The following DOT1L variants were observed in gnomAD, a reference collection of about 807,000 sequenced individuals.
DOT1L encodes the protein DOT1 like histone lysine methyltransferase.
In DOT1L, 33 loss-of-function variants were observed where a neutral mutation model predicts 153.3. The observed-to-expected ratio is 0.22, with a 90% CI of 0.16 to 0.29. The LOEUF (loss-of-function observed/expected upper bound fraction) is 0.29. Among genes scored for constraint, DOT1L ranks in the 10% least tolerant of loss-of-function variants. DOT1L has a pLI of 1.00. For synonymous variants in DOT1L, 1,135 were observed against 965.1 expected (o/e 1.18, Z -3.26); for missense variants, 1,847 against 2,119.9 (o/e 0.87, Z 2.53).
chr19:2,218,682 G>C (rs1301101969), intron 22 of DOT1L, among the ~76,000 whole-genome samples: 2 of 150,428 alleles, frequency 1.3e-5, no homozygotes, highest in Non-Finnish European at 3.0e-5. Context: ...CGTGAGCCAC[G>C]ACGTCTGGCC....
In DOT1L at chr19:2,231,364, A is replaced by T. The variant is rs948602324; in HGVS notation, c.*1572A>T. On this transcript the variant is annotated 3_prime_UTR_variant, in exon 28 of 28. Coordinates refer to ENST00000398665, the MANE Select transcript of DOT1L (RefSeq NM_032482.3). ...CCCAAGGGCAGGATGGACACACGTC[A>T]CATCCCTACCACGTGGCCTCCAAAG... 4.8e-6 allele frequency: 1 copy of T among 208,332 alleles called. No homozygotes were observed. Among genetic ancestry groups the T allele is most frequent in the Non-Finnish European group, 9.8e-6 (1 of 102,324 alleles). 12.9% of individuals were successfully genotyped at this position (208,332 alleles called of 1,614,324 possible).
chr19:2,168,368 T>C (rs1254877158), intron 1 of DOT1L, among the ~76,000 whole-genome samples: 1 of 152,204 alleles, frequency 6.6e-6, no homozygotes, highest in African/African-American at 2.4e-5. Flanking sequence ...GATACTGTGC[T>C]GAGTACAAGG....
intron 22 of DOT1L, among the ~76,000 whole-genome samples, chr19:2,218,618 C>T (rs571919582): frequency 1.3e-5 from 2 of 152,190 alleles, no homozygotes; most frequent in African/African-American, 4.8e-5. Flanking sequence ...TGGTCTTGAT[C>T]TCCTGACCTA....
rs369397123 is a variant in DOT1L at position 2,206,697 on chromosome 19, C to T, written c.788-32C>T. 90 of 1,611,550 alleles carry T rather than the reference C, an allele frequency of 5.6e-5. 2 individuals carry two copies. The African/African-American group carries it at 7.2e-4, about 13-fold the overall frequency. On this transcript the variant is annotated intron_variant, in intron 9 of 27. Coordinates refer to ENST00000398665, the MANE Select transcript of DOT1L (RefSeq NM_032482.3). ...TGTCTGCTCTTCTGTTTCCTCTCTC[C>T]TGTGTGGCAGTAAGCAGTGTCTGTG... is the stretch of plus-strand genomic sequence containing the variant.
At chr19:2,219,245 C>T (rs1038279140) in intron 22 of DOT1L, among the ~76,000 whole-genome samples, 5 of 151,948 alleles carry the variant, frequency 3.3e-5, no homozygotes, top group Admixed American at 2.6e-4. Flanking sequence ...TGGCCTCAGT[C>T]GACCCACCCG....
At position 2,164,273 on chromosome 19, in the gene DOT1L, C is replaced by G; in HGVS notation, c.81+8C>G. 1.6e-6 allele frequency: 2 copies of G among 1,259,858 alleles called. No homozygotes were observed. Among genetic ancestry groups the G allele is most frequent in the Non-Finnish European group, 2.0e-6 (2 of 1,000,106 alleles). The allele number at this position is 1,259,858 out of a possible 1,614,324, so 78.0% of individuals were successfully genotyped here. ...TGGCCGCTGCCGGTCTACGTGAGTG[C>G]CGCCCTCCACCGTCCCTACCTCCCG... On this transcript the variant is annotated splice_region_variant and intron_variant, in intron 1 of 27. Coordinates refer to ENST00000398665, the MANE Select transcript of DOT1L (RefSeq NM_032482.3).
intron 7 of DOT1L, among the ~76,000 whole-genome samples, chr19:2,196,478 G>T (rs1266776196): frequency 1.3e-5 from 2 of 152,150 alleles, no homozygotes; most frequent in African/African-American, 4.8e-5. Context: ...AATTAAAGGC[G>T]CATGCCACCA....
chr19:2,165,412 G>A (rs562843712), intron 1 of DOT1L, among the ~76,000 whole-genome samples: 4 of 152,222 alleles, frequency 2.6e-5, no homozygotes, highest in African/African-American at 7.2e-5. Flanking sequence ...GAGAGGGAGC[G>A]CAGCTTCCAG....
In DOT1L at chr19:2,210,711, G is replaced by A. The variant is rs2144831731; in HGVS notation, c.1207G>A (p.Gly403Arg). The change falls in exon 14 of 28, where the codon GGG becomes AGG. Residue 403 changes from glycine to arginine, a missense_variant. This residue lies in a region of DOT1L where 205 missense variants were observed against 203.1 expected (regional missense o/e 1.01). Transcript: ENST00000398665. ...CCGCAAGAAGAAGCTAAACAAGAAG[G>A]GGAGGAAGATGGCTGGCCGCAAGCG... is the stretch of plus-strand genomic sequence containing the variant. The part of the protein sequence containing the change: ...KARKKKLNKK[G>R]RKMAGRKRGR... The A allele has an allele frequency of 6.2e-7, 1 of 1,613,190 alleles. No homozygotes were observed. Among genetic ancestry groups the A allele is most frequent in the South Asian group, 1.1e-5 (1 of 91,092 alleles).
At chr19:2,226,126 A>T in intron 26 of DOT1L, 57 bp from the exon 27 acceptor site, 1 of 1,476,308 alleles carries the variant, frequency 6.8e-7, no homozygotes, top group South Asian at 1.4e-5. Flanking sequence ...GGTTAGCCTC[A>T]TGGGTAGCCC....
chr19:2,174,952 A>C (rs2021838459), intron 1 of DOT1L, among the ~76,000 whole-genome samples: 1 of 136,636 alleles, frequency 7.3e-6, no homozygotes, highest in East Asian at 2.2e-4. Flanking sequence ...TTAAGTTTTT[A>C]AATATATGTG....
intron 6 of DOT1L, among the ~76,000 whole-genome samples, chr19:2,194,008 G>A (rs551051245): frequency 1.3e-5 from 2 of 152,204 alleles, no homozygotes; most frequent in Admixed American, 1.3e-4. Context: ...AAGCGCTGCA[G>A]GGGTGTCTCG....
chr19:2,221,523 A>C, intron 23 of DOT1L: 1 of 167,306 alleles, frequency 6.0e-6, no homozygotes. Context: ...TGGGCTGGGA[A>C]GCATGGCTGC....
At chr19:2,209,103 G>C (rs578248529) in intron 12 of DOT1L, 127 bp downstream of exon 12, 2 of 1,047,122 alleles carry the variant, frequency 1.9e-6, no homozygotes, top group Non-Finnish European at 2.7e-6. Context: ...CTCGGGGCCC[G>C]GCCCTGTGCC....
chr19:2,223,006 T>C (rs1411933990), intron 24 of DOT1L: 1 of 478,058 alleles, frequency 2.1e-6, no homozygotes, highest in East Asian at 3.5e-5. Context: ...GGGTTCGGAG[T>C]GCGATGCGCT....
In DOT1L at chr19:2,232,501, C is replaced by T. The variant is rs529914622; in HGVS notation, c.*2709C>T. 3.0e-4 allele frequency: 67 copies of T among 221,282 alleles called. No individual in the cohort carries two copies. In the South Asian group the frequency reaches 0.01, roughly 33 times the overall value. 13.7% of individuals were successfully genotyped at this position (221,282 alleles called of 1,614,324 possible). Reference sequence around the variant, plus strand: ...TCACGGTCCGCCCCTGGGCTGCAGGCGCCCCTTCCTCTGGGCACCCCTGCA... The same window carrying T: ...TCACGGTCCGCCCCTGGGCTGCAGGTGCCCCTTCCTCTGGGCACCCCTGCA... On this transcript the variant is annotated 3_prime_UTR_variant, in exon 28 of 28. Coordinates refer to ENST00000398665, the MANE Select transcript of DOT1L (RefSeq NM_032482.3).
At position 2,210,304 on chromosome 19, in the gene DOT1L, G is replaced by A. The variant is rs1179914110; in HGVS notation, c.1006-96G>A. ...ACTTGCAGTGGACAGAGTTGGGCCCGTGGCCCCCTTGAGTCTGAGCTCCGC... is the reference window on the plus strand; with the variant it reads ...ACTTGCAGTGGACAGAGTTGGGCCCATGGCCCCCTTGAGTCTGAGCTCCGC... On this transcript the variant is annotated intron_variant, in intron 12 of 27. Transcript: ENST00000398665. 27 of 1,107,890 alleles carry A rather than the reference G, an allele frequency of 2.4e-5. No individual in the cohort carries two copies. In the East Asian group the frequency reaches 3.5e-4, roughly 14 times the overall value. 68.6% of individuals were successfully genotyped at this position (1,107,890 alleles called of 1,614,324 possible). A position where few individuals can be genotyped will look rare whatever the true frequency, so the allele number is the denominator to read the frequency against.
rs2023551587 is a variant in DOT1L at position 2,207,576 on chromosome 19, A to G, written c.859A>G (p.Ile287Val). The change falls in exon 11 of 28, where the codon ATC (isoleucine) becomes GTC (valine). Residue 287 changes from isoleucine to valine, a missense_variant and splice_region_variant. Ile to Val is a conservative substitution (Grantham distance 29, BLOSUM62 3). Around this residue, in one of 8 missense-constraint regions of DOT1L, gnomAD observed 148 missense variants for 422.3 expected, o/e 0.35. Transcript: ENST00000398665. This position sits in a 1 kb window ranked among gnomAD's most constrained non-coding sequence, Gnocchi z 4.5. ...GGCCTCACCTGTGGCTCCTGCAGAC[A>G]TCGGCACCATCATGCGCGTGGTGGA... ...FRINSRNLSD[I>V]GTIMRVVELS... 6.2e-7 allele frequency: 1 copy of G among 1,609,222 alleles called. No individual in the cohort carries two copies. The highest frequency in any genetic ancestry group is 8.5e-7 in the Non-Finnish European group (1 of 1,179,272).
At chr19:2,227,935 TGCCCCCGCC>T in intron 27 of DOT1L, 2 of 920,200 alleles carry the variant, frequency 2.2e-6, no homozygotes, top group South Asian at 2.0e-5. Context: ...CCTCCCCCGC[TGCCCCCGCC>T]TGCGCACCTG....
Sources: gnomAD v4.1 joint callset for allele counts (sites outside exome capture counted in the v4.1 genomes callset) on GRCh38, gnomAD v4.1.1 for gene constraint, gnomAD v4.1.1 regional missense constraint, Gnocchi (gnomAD v3.1) non-coding constraint, MANE v1.5 for transcripts, NCBI Gene and HGNC (gene_info 2026-07-23, HGNC 2026-07-21) for gene names.